Variants in ACD observed in about 807,000 individuals in gnomAD.
The protein encoded by ACD is ACD shelterin complex subunit and telomerase recruitment factor.
Under a neutral mutation model 53.9 loss-of-function variants are expected in ACD, and 39 were observed. That is an observed-to-expected ratio of 0.72 (90% CI 0.56 to 0.95). ACD has a LOEUF of 0.95. Ranked by LOEUF, ACD falls within the 40% of genes least tolerant of loss-of-function variation. The pLI is 0.00. For missense variants in ACD, 526 were observed against 587.9 expected (o/e 0.89, Z 1.09); for synonymous variants, 273 against 249.2 (o/e 1.10, Z -0.90).
rs1368630251 is a variant in ACD, at chr16:67,658,253, G to A, written c.939C>T (p.Ser313=). Reference sequence around the variant, plus strand: ...CTGAGCAGATGGCTGGTGAGGGCTGGGAGCTGCTTCTCTGCCCTGGGTCTG... The same window carrying A: ...CTGAGCAGATGGCTGGTGAGGGCTGAGAGCTGCTTCTCTGCCCTGGGTCTG... ...AAPDPGQRSS[S]QPSPAICSAP... The change falls in exon 10 of 12, where the codon TCC becomes TCT. Residue 313 remains serine (S), a synonymous_variant. Coordinates refer to ENST00000620761, the MANE Select transcript of ACD (RefSeq NM_001082486.2). 8.1e-6 allele frequency: 13 copies of A among 1,613,624 alleles called. No individual in the cohort carries two copies. The highest frequency in any genetic ancestry group is 1.3e-5 in the African/African-American group (1 of 75,034).
In ACD at chr16:67,659,241, A is replaced by T. The variant is rs1338842935; in HGVS notation, c.481T>A (p.Ser161Thr). 1.2e-6 allele frequency: 2 copies of T among 1,614,142 alleles called. No homozygotes were observed. The highest frequency in any genetic ancestry group is 3.3e-5 in the Admixed American group (2 of 60,022). ...CLEEHLSEST[S>T]SNAGLSLSQL... ...AGCTCTACAGTACCTGCATTGGACG[A>T]GGTGGACTCTGAAAGGTGCTCCCTA... Residue 161 changes from serine to threonine, a missense_variant, in exon 6 of 12, where the codon TCG becomes ACG. Ser to Thr is a moderately conservative substitution (Grantham distance 58). Coordinates refer to ENST00000620761, the MANE Select transcript of ACD (RefSeq NM_001082486.2).
intron 2 of ACD, 22 bp from the exon 3 acceptor site, chr16:67,659,817 C>CT (rs1268337589): frequency 6.3e-7 from 1 of 1,595,224 alleles, no homozygotes; most frequent in African/African-American, 1.3e-5. Flanking sequence ...AGGATCCTCA[C>CT]TGCCGGGCCC....
chr16:67,658,372 A>T lies in ACD; in HGVS notation c.830-10T>A. On this transcript the variant is annotated splice_polypyrimidine_tract_variant and intron_variant, in intron 9 of 11. Coordinates refer to ENST00000620761, the MANE Select transcript of ACD (RefSeq NM_001082486.2). ...GGTAAGGCCGGGGTTCCTGAGGAGG[A>T]GGGGACTTATTGTAGGCACAGCCCT... The T allele has an allele frequency of 4.3e-6, 7 of 1,613,330 alleles. No homozygotes were observed. The highest frequency in any genetic ancestry group is 5.9e-6 in the Non-Finnish European group (7 of 1,179,848).
In ACD at chr16:67,657,763, T is replaced by TGACA; in HGVS notation, c.1293_1296dup (p.Arg433CysfsTer23). ...GTTGGGGCAGACCCAGGCACTCACC[T>TGACA]GACAGCTTGGACCCGAGCACAGAGG... On this transcript the variant is annotated frameshift_variant and splice_region_variant, in exon 11 of 12. Coordinates refer to ENST00000620761, the MANE Select transcript of ACD (RefSeq NM_001082486.2). LOFTEE classifies it high-confidence loss of function. This position sits in a 1 kb window ranked among gnomAD's most constrained non-coding sequence, Gnocchi z 4.5. The TGACA allele has an allele frequency of 6.2e-7, 1 of 1,614,082 alleles. No homozygotes were observed. Among genetic ancestry groups the TGACA allele is most frequent in the Non-Finnish European group, 8.5e-7 (1 of 1,179,996 alleles).
At chr16:67,660,086 T>TCCGCCTCGGTCTCCGGGCCC (rs2052974929) in intron 1 of ACD, 36 bp downstream of exon 1, 1 of 1,611,090 alleles carries the variant, frequency 6.2e-7, no homozygotes, top group African/African-American at 1.3e-5. Context: ...ACCCCGGGCC[T>TCCGCCTCGGTCTCCGGGCCC]CCGCCTCGGT....
In ACD at chr16:67,660,170, A is replaced by G; in HGVS notation, c.51T>C (p.Ile17=). 6.2e-7 allele frequency: 1 copy of G among 1,612,600 alleles called. No individual in the cohort carries two copies. The highest frequency in any genetic ancestry group is 8.5e-7 in the Non-Finnish European group (1 of 1,179,914). The change falls in exon 1 of 12, where the codon ATT becomes ATC. Residue 17 remains isoleucine (I), a synonymous_variant. Coordinates refer to ENST00000620761, the MANE Select transcript of ACD (RefSeq NM_001082486.2). ...GACTGGAGGGTGTCTCTGACCCCAGAATCAGCTCCCGAATCCAGGGCCGTA... is the reference window on the plus strand; with the variant it reads ...GACTGGAGGGTGTCTCTGACCCCAGGATCAGCTCCCGAATCCAGGGCCGTA... The part of the protein sequence containing the change: ...LVLRPWIREL[I]LGSETPSSPR...
rs1431223977 is a variant in ACD, at chr16:67,658,910, G to C, written c.645+18C>G. 1 of 1,610,176 alleles carries C rather than the reference G, an allele frequency of 6.2e-7. No homozygotes were observed. The highest frequency in any genetic ancestry group is 1.3e-5 in the African/African-American group (1 of 74,848). On this transcript the variant is annotated intron_variant, in intron 7 of 11. Transcript: ENST00000620761. ...AACTCCTCACCCTGACATCTCCCAA[G>C]CAAATCCCCAGACTGACCGTGGCCT...
chr16:67,659,568 T>C lies in ACD; in HGVS notation c.382A>G (p.Thr128Ala), dbSNP rs748654119. 6 of 1,613,258 alleles carry C rather than the reference T, an allele frequency of 3.7e-6. No individual in the cohort carries two copies. Among genetic ancestry groups the C allele is most frequent in the Non-Finnish European group, 5.1e-6 (6 of 1,179,794 alleles). The change falls in exon 4 of 12, where the codon ACG becomes GCG. Residue 128 changes from threonine (T) to alanine (A), a missense_variant. By Grantham distance (58) the Thr-to-Ala change is moderately conservative. Transcript: ENST00000620761. Reference protein sequence around the residue: ...LQVDRFSLLPTEQPRLRVPGC... With the variant: ...LQVDRFSLLPAEQPRLRVPGC... ...GGCACCCGTAGCCGGGGCTGCTCCG[T>C]GGGCAGCAGGCTGAAGCGGTCCACC...
chr16:67,660,119 C>T lies in ACD; in HGVS notation c.99+3G>A, dbSNP rs1189416936. The T allele has an allele frequency of 1.2e-6, 2 of 1,612,380 alleles. No homozygotes were observed. The highest frequency in any genetic ancestry group is 1.7e-6 in the Non-Finnish European group (2 of 1,179,900). On this transcript the variant is annotated splice_donor_region_variant and intron_variant, in intron 1 of 11. Transcript: ENST00000620761. The stretch of plus-strand genomic sequence containing the variant: ...GGTCTCCGGGCCCTGAATGGGGGCT[C>T]ACCTCAAGCAGCTGCCCGGCTCGTG...
rs1417617864 is a variant in ACD, at chr16:67,658,976, G to C, written c.597C>G (p.Cys199Trp). Residue 199 changes from cysteine to tryptophan, a missense_variant, in exon 7 of 12, where the codon TGC becomes TGG. Physicochemically the swap from Cys to Trp is radical, Grantham distance 215. Coordinates refer to ENST00000620761, the MANE Select transcript of ACD (RefSeq NM_001082486.2). ...CCCAGTGGGTGACAGGGGGTGCTGT[G>C]CAAGGGCCCTCCAGTGTCAGGCAGC... ...AESCLTLEGPCTAPPVTHWAA... is the reference protein window; with the variant it reads ...AESCLTLEGPWTAPPVTHWAA... 1 of 1,613,772 alleles carries C rather than the reference G, an allele frequency of 6.2e-7. No individual in the cohort carries two copies. Among genetic ancestry groups the C allele is most frequent in the Non-Finnish European group, 8.5e-7 (1 of 1,180,020 alleles).
chr16:67,660,084 C>G lies in ACD; in HGVS notation c.99+38G>C, dbSNP rs752980678. ...GCGGCGTCAATCCCACCACCCCGGG[C>G]CTCCGCCTCGGTCTCCGGGCCCTGA... On this transcript the variant is annotated intron_variant, in intron 1 of 11. Coordinates refer to ENST00000620761, the MANE Select transcript of ACD (RefSeq NM_001082486.2). 4.3e-6 allele frequency: 7 copies of G among 1,611,044 alleles called. No homozygotes were observed. In the East Asian group the frequency reaches 1.3e-4, roughly 31 times the overall value.
In ACD at chr16:67,657,678, A is replaced by T. The variant is rs1472187115; in HGVS notation, c.1305T>A (p.Pro435=). The change falls in exon 12 of 12, where the codon CCT becomes CCA. Residue 435 remains proline, a synonymous_variant. Coordinates refer to ENST00000620761, the MANE Select transcript of ACD (RefSeq NM_001082486.2). The surrounding 1 kb of genome is among the most constrained non-coding windows in gnomAD (Gnocchi z 4.5). ...GCAAGGCCCAGGCCATGAGCTGGGG[A>T]GGAAGCCTGGAAAGAAACCACCGCT... ...LCARVQAVRL[P]PQLMAWALHF... 1 of 1,613,966 alleles carries T rather than the reference A, an allele frequency of 6.2e-7. No individual in the cohort carries two copies. The highest frequency in any genetic ancestry group is 8.5e-7 in the Non-Finnish European group (1 of 1,180,038).
rs149418249 is a variant in ACD at position 67,657,798 on chromosome 16, G to A, written c.1262C>T (p.Pro421Leu). The A allele has an allele frequency of 1.2e-6, 2 of 1,614,084 alleles. No homozygotes were observed. Among genetic ancestry groups the A allele is most frequent in the South Asian group, 1.1e-5 (1 of 91,084 alleles). ...GSAFQYEYEP[P>L]CTSLCARVQA... ...GACCCGAGCACAGAGGGACGTGCAG[G>A]GTGGCTCATACTCATACTGGAAGGC... Residue 421 changes from proline (P) to leucine (L), a missense_variant, in exon 11 of 12, where the codon CCC (proline) becomes CTC (leucine). By Grantham distance (98) the Pro-to-Leu change is moderately conservative. Transcript: ENST00000620761. This position sits in a 1 kb window ranked among gnomAD's most constrained non-coding sequence, Gnocchi z 4.5.
rs1420989941 is a variant in ACD at position 67,658,023 on chromosome 16, C to A, written c.1169G>T (p.Gly390Val). The change falls in exon 10 of 12, where the codon GGA becomes GTA. Residue 390 changes from glycine to valine, a missense_variant. Transcript: ENST00000620761. Reference protein sequence around the residue: ...CKNRPPFPRTGATRGAQEPCS... With the variant: ...CKNRPPFPRTVATRGAQEPCS... The stretch of plus-strand genomic sequence containing the variant: ...GGGCTCCTGGGCTCCCCTGGTAGCT[C>A]CGGTCCTGGGAAAAGGCGGCCGATT... 1.3e-6 allele frequency: 2 copies of A among 1,548,722 alleles called. No individual in the cohort carries two copies. Among genetic ancestry groups the A allele is most frequent in the East Asian group, 4.5e-5 (2 of 44,408 alleles).
chr16:67,657,812 A>G lies in ACD; in HGVS notation c.1248T>C (p.Tyr416=). ...GGGACGTGCAGGGTGGCTCATACTC[A>G]TACTGGAAGGCAGAACCATCACGAT... ...KRHRDGSAFQ[Y]EYEPPCTSLC... The change falls in exon 11 of 12, where the codon TAT becomes TAC. Residue 416 remains tyrosine (Y), a synonymous_variant. Transcript: ENST00000620761. The surrounding 1 kb of genome is among the most constrained non-coding windows in gnomAD (Gnocchi z 4.5). 1 of 1,614,140 alleles carries G rather than the reference A, an allele frequency of 6.2e-7. No homozygotes were observed.
In ACD at chr16:67,659,595, G is replaced by A. The variant is rs1368774296; in HGVS notation, c.355C>T (p.Gln119Ter). 1 of 1,613,522 alleles carries A rather than the reference G, an allele frequency of 6.2e-7. No individual in the cohort carries two copies. The highest frequency in any genetic ancestry group is 2.2e-5 in the East Asian group (1 of 44,878). ...GGCAGCAGGCTGAAGCGGTCCACCT[G>A]GAGATAGAACTCTGCGGGCTGGAGG... ...EGGAPAEFYL[Q>*]VDRFSLLPTE... is the part of the protein sequence containing the mutation. The change falls in exon 4 of 12, where the codon CAG (glutamine) becomes TAG (stop). Residue 119 changes from glutamine to a stop codon, truncating the protein, a stop_gained. Coordinates refer to ENST00000620761, the MANE Select transcript of ACD (RefSeq NM_001082486.2). LOFTEE classifies it high-confidence loss of function.
chr16:67,659,871 T>C (rs756476640), intron 2 of ACD, 32 bp downstream of exon 2: 195 of 1,580,474 alleles, frequency 1.2e-4, no homozygotes, highest in Non-Finnish European at 1.6e-4. Flanking sequence ...CCTGCCGGAC[T>C]CCGACCTCCA....
At position 67,657,764 on chromosome 16, in the gene ACD, G is replaced by T; in HGVS notation, c.1296C>A (p.Val432=). The T allele has an allele frequency of 6.2e-7, 1 of 1,614,080 alleles. No individual in the cohort carries two copies. Among genetic ancestry groups the T allele is most frequent in the Non-Finnish European group, 8.5e-7 (1 of 1,180,010 alleles). ...TTGGGGCAGACCCAGGCACTCACCT[G>T]ACAGCTTGGACCCGAGCACAGAGGG... The part of the protein sequence containing the change: ...CTSLCARVQA[V]RLPPQLMAWA... Residue 432 remains valine, a splice_region_variant and synonymous_variant, in exon 11 of 12, where the codon GTC becomes GTA. Transcript: ENST00000620761. This position sits in a 1 kb window ranked among gnomAD's most constrained non-coding sequence, Gnocchi z 4.5.
Position 67,657,583 on chromosome 16 carries a change from C to G in ACD, c.*23G>C. 6.2e-7 allele frequency: 1 copy of G among 1,614,086 alleles called. No homozygotes were observed. The highest frequency in any genetic ancestry group is 1.7e-5 in the Admixed American group (1 of 60,026). On this transcript the variant is annotated 3_prime_UTR_variant, in exon 12 of 12. Coordinates refer to ENST00000620761, the MANE Select transcript of ACD (RefSeq NM_001082486.2). This position sits in a 1 kb window ranked among gnomAD's most constrained non-coding sequence, Gnocchi z 4.5. ...AACTCAAAGGAAGCAGAGTGTGGAG[C>G]GGTATCTGTCCTGCGTGACGTCTCA...
Sources: gnomAD v4.1 joint callset for allele counts on GRCh38, gnomAD v4.1.1 for gene constraint, Gnocchi (gnomAD v3.1) non-coding constraint, MANE v1.5 for transcripts, NCBI Gene and HGNC (gene_info 2026-07-23, HGNC 2026-07-21) for gene names.